Variants in LYPLAL1 observed in about 807,000 individuals in gnomAD.
LYPLAL1 encodes the protein lysophospholipase like 1.
A neutral mutation model predicts 19.7 loss-of-function variants in LYPLAL1; 23 were observed. The ratio of observed to expected loss-of-function variants is 1.17; its 90% CI spans 0.84 to 1.65. The LOEUF (loss-of-function observed/expected upper bound fraction) is 1.65. LYPLAL1 is among the 40% of genes most tolerant of loss of function. The probability of loss-of-function intolerance (pLI) is 0.00; values close to 1 mark genes in which losing one functional copy is unlikely to be tolerated. For missense variants in LYPLAL1, 355 were observed against 279.4 expected, an observed-to-expected ratio of 1.27 and a Z score of -1.93; for synonymous variants, 119 against 96.3, an observed-to-expected ratio of 1.24 and a Z score of -1.38.
the LYPLAL1 span, among the ~76,000 whole-genome samples, chr1:219,250,640 C>T: frequency 1.8e-4 from 27 of 151,908 alleles, no homozygotes; most frequent in African/African-American, 6.3e-4. Flanking sequence ...TGATCTCATT[C>T]TTTTTATGGC....
chr1:219,257,303 T>C, the LYPLAL1 span, among the ~76,000 whole-genome samples: 1 of 151,952 alleles, frequency 6.6e-6, no homozygotes, highest in Non-Finnish European at 1.5e-5. Flanking sequence ...ATGAAAAATA[T>C]GTTAATTGCT....
intron 3 of LYPLAL1, among the ~76,000 whole-genome samples, chr1:219,196,050 G>A (rs1657573920): frequency 6.6e-6 from 1 of 152,218 alleles, no homozygotes; most frequent in Admixed American, 6.5e-5. Flanking sequence ...TGGTGTACAT[G>A]TACCACATTT....
the LYPLAL1 span, among the ~76,000 whole-genome samples, chr1:219,279,681 A>G: frequency 1.3e-5 from 2 of 152,214 alleles, no homozygotes; most frequent in African/African-American, 4.8e-5. Flanking sequence ...TTAACAAGCC[A>G]GTTTTGACAA....
At chr1:219,346,460 A>ATTT in the LYPLAL1 span, among the ~76,000 whole-genome samples, 4 of 136,302 alleles carry the variant, frequency 2.9e-5, no homozygotes, top group South Asian at 2.4e-4. Flanking sequence ...GTCAATTTCT[A>ATTT]TTTTTTTTTT....
chr1:219,278,035 A>C, the LYPLAL1 span, among the ~76,000 whole-genome samples: 1 of 152,204 alleles, frequency 6.6e-6, no homozygotes, highest in Admixed American at 6.5e-5. Context: ...AATTTCAAAA[A>C]TTGTTTTTAC....
At chr1:219,259,869 T>A in the LYPLAL1 span, among the ~76,000 whole-genome samples, 3 of 151,992 alleles carry the variant, frequency 2.0e-5, no homozygotes, top group Non-Finnish European at 2.9e-5. Flanking sequence ...GATAAATGCA[T>A]TTTATTTAAA....
chr1:219,337,318 A>G, the LYPLAL1 span, among the ~76,000 whole-genome samples: 1 of 152,034 alleles, frequency 6.6e-6, no homozygotes. Flanking sequence ...TAGCACAAAG[A>G]TTGTCAAATT....
At chr1:219,432,874 T>C in the LYPLAL1 span, among the ~76,000 whole-genome samples, 1,082 of 152,306 alleles carry the variant, frequency 7.1e-3, 13 homozygotes, top group African/African-American at 0.023. Flanking sequence ...GCACTTTGAC[T>C]ACTTGCTCCG....
the LYPLAL1 span, among the ~76,000 whole-genome samples, chr1:219,424,942 A>G: frequency 6.6e-6 from 1 of 152,222 alleles, no homozygotes; most frequent in East Asian, 1.9e-4. Context: ...TAAGCACTCA[A>G]AATATATTAA....
chr1:219,352,194 C>T, the LYPLAL1 span, among the ~76,000 whole-genome samples: 4 of 152,186 alleles, frequency 2.6e-5, no homozygotes, highest in East Asian at 7.7e-4. Context: ...GTGACTTCAC[C>T]TCTTTGAGCC....
At chr1:219,198,987 TG>T (rs1657844489) in intron 3 of LYPLAL1, among the ~76,000 whole-genome samples, 1 of 152,204 alleles carries the variant, frequency 6.6e-6, no homozygotes, top group African/African-American at 2.4e-5. Context: ...ATAATATATG[TG>T]GCAACCAGAA....
chr1:219,311,900 TA>T, the LYPLAL1 span, among the ~76,000 whole-genome samples: 1 of 152,194 alleles, frequency 6.6e-6, no homozygotes, highest in Non-Finnish European at 1.5e-5. Flanking sequence ...TGCTAACCAA[TA>T]AAAATTTTTC....
chr1:219,281,797 G>T, the LYPLAL1 span, among the ~76,000 whole-genome samples: 1 of 152,132 alleles, frequency 6.6e-6, no homozygotes, highest in Admixed American at 6.6e-5. Flanking sequence ...ACAGAAATTA[G>T]ATTTTTTCTT....
the LYPLAL1 span, among the ~76,000 whole-genome samples, chr1:219,242,318 C>T: frequency 2.0e-5 from 3 of 152,168 alleles, no homozygotes; most frequent in Admixed American, 2.0e-4. Flanking sequence ...CTCCAACCTT[C>T]TGTTATTGCA....
chr1:219,373,862 T>TA, the LYPLAL1 span, among the ~76,000 whole-genome samples: 3 of 9,258 alleles, frequency 3.2e-4, no homozygotes, highest in Non-Finnish European at 7.5e-4. Flanking sequence ...GATAAAATTG[T>TA]CAAAAAAAAA....
At chr1:219,414,064 T>C in the LYPLAL1 span, among the ~76,000 whole-genome samples, 1 of 152,302 alleles carries the variant, frequency 6.6e-6, no homozygotes, top group South Asian at 2.1e-4. Flanking sequence ...CATTGTTGAA[T>C]GCAGAGGGAA....
At chr1:219,396,870 G>C in the LYPLAL1 span, among the ~76,000 whole-genome samples, 1 of 152,196 alleles carries the variant, frequency 6.6e-6, no homozygotes, top group African/African-American at 2.4e-5. Context: ...AACAGGGATA[G>C]TTTGACTTCC....
At chr1:219,269,598 G>A in the LYPLAL1 span, among the ~76,000 whole-genome samples, 12 of 151,788 alleles carry the variant, frequency 7.9e-5, no homozygotes, top group African/African-American at 2.2e-4. Context: ...TTACATCTAG[G>A]CCAATTAATC....
At chr1:219,183,468 A>G (rs1173391298) in intron 2 of LYPLAL1, among the ~76,000 whole-genome samples, 1 of 152,070 alleles carries the variant, frequency 6.6e-6, no homozygotes, top group Non-Finnish European at 1.5e-5. Context: ...TTGTATGTGC[A>G]TAGTTAATTT....
Sources: gnomAD v4.1 joint callset for allele counts (sites outside exome capture counted in the v4.1 genomes callset) on GRCh38, gnomAD v4.1.1 for gene constraint, MANE v1.5 for transcripts, NCBI Gene and HGNC (gene_info 2026-07-23, HGNC 2026-07-21) for gene names.